Variants in ADAMTSL3 observed in about 807,000 individuals in gnomAD.
The protein encoded by ADAMTSL3 is ADAMTS like 3.
In ADAMTSL3, 128 loss-of-function variants were observed where a neutral mutation model predicts 201.7. The observed-to-expected ratio is 0.63, with a 90% CI of 0.55 to 0.73. The LOEUF (loss-of-function observed/expected upper bound fraction) is 0.73, where lower values mean the gene tolerates loss of function less well. ADAMTSL3 is among the 30% of genes least tolerant of loss of function. ADAMTSL3 has a pLI of 0.00. For missense variants in ADAMTSL3, 1,990 were observed against 2,119.6 expected (o/e 0.94, Z 1.20); for synonymous variants, 738 against 748.4 (o/e 0.99, Z 0.23).
intron 20 of ADAMTSL3, among the ~76,000 whole-genome samples, chr15:83,979,347 A>G (rs927379152): frequency 7.2e-5 from 11 of 152,226 alleles, no homozygotes; most frequent in African/African-American, 2.4e-4. Context: ...ATTGTCCACC[A>G]CTGAAAGGCC....
chr15:83,659,578 C>T (rs1299582090), intron 2 of ADAMTSL3, among the ~76,000 whole-genome samples: 1 of 152,150 alleles, frequency 6.6e-6, no homozygotes, highest in Non-Finnish European at 1.5e-5. Flanking sequence ...CCCAGGCTGA[C>T]AGTGTGGATG....
rs1157198460 is a variant in ADAMTSL3, at chr15:83,906,622, C to CCACACA, written c.1701-6419_1701-6414dup. On this transcript the variant is annotated intron_variant, in intron 15 of 29. Transcript: ENST00000286744. ...CTATATATTTATATAGTGCCACACACCACACACACACACACACACACACAC... is the reference window on the plus strand; with the variant it reads ...CTATATATTTATATAGTGCCACACACCACACACACACACACACACACACACACACAC... Among the ~76,000 whole-genome samples the CCACACA allele has an allele frequency of 9.2e-4, 73 of 79,018 alleles. No homozygotes were observed. The South Asian group carries it at 9.4e-3, about 10-fold the overall frequency. The allele number at this position is 79,018 out of a possible 152,430, so 51.8% of individuals were successfully genotyped here. A position where few individuals can be genotyped will look rare whatever the true frequency, so the allele number is the denominator to read the frequency against.
At chr15:84,023,658 G>A (rs188055866) in intron 26 of ADAMTSL3, among the ~76,000 whole-genome samples, 9 of 152,240 alleles carry the variant, frequency 5.9e-5, no homozygotes, top group East Asian at 3.9e-4. Context: ...TTCAAAACGC[G>A]GAGAGAATCC....
At chr15:83,869,898 C>T (rs933743757) in intron 8 of ADAMTSL3, among the ~76,000 whole-genome samples, 2 of 152,054 alleles carry the variant, frequency 1.3e-5, no homozygotes, top group African/African-American at 4.8e-5. Context: ...AATACGGGGC[C>T]AGAAACGCAG....
chr15:83,658,830 T>C (rs941323782), intron 2 of ADAMTSL3, among the ~76,000 whole-genome samples: 1 of 152,264 alleles, frequency 6.6e-6, no homozygotes, highest in East Asian at 1.9e-4. Flanking sequence ...AGATGAGTCC[T>C]GTGTTGACTG....
chr15:83,910,307 A>G (rs1321649122), intron 15 of ADAMTSL3, among the ~76,000 whole-genome samples: 1 of 151,742 alleles, frequency 6.6e-6, no homozygotes, highest in Non-Finnish European at 1.5e-5. Context: ...GGCTCTTTCA[A>G]TGTATTCCTT....
intron 17 of ADAMTSL3, among the ~76,000 whole-genome samples, chr15:83,931,196 G>C (rs1045468116): frequency 6.6e-6 from 1 of 152,180 alleles, no homozygotes; most frequent in African/African-American, 2.4e-5. Context: ...TTCTCTAACA[G>C]GATTCAACAC....
chr15:83,759,448 A>C (rs2062774304), intron 3 of ADAMTSL3, among the ~76,000 whole-genome samples: 1 of 152,050 alleles, frequency 6.6e-6, no homozygotes. Flanking sequence ...GATGGTCTTG[A>C]TCTCCTGACC....
intron 26 of ADAMTSL3, among the ~76,000 whole-genome samples, chr15:84,023,661 G>T (rs1005344661): frequency 8.5e-5 from 13 of 152,170 alleles, no homozygotes; most frequent in Admixed American, 8.5e-4. Flanking sequence ...AAAACGCGGA[G>T]AGAATCCACA....
chr15:83,658,087 A>C (rs2061115588), intron 2 of ADAMTSL3, among the ~76,000 whole-genome samples: 1 of 152,188 alleles, frequency 6.6e-6, no homozygotes, highest in African/African-American at 2.4e-5. Flanking sequence ...TGTGCCAACT[A>C]ATTAATAACA....
At chr15:83,717,274 T>A (rs191956130) in intron 3 of ADAMTSL3, among the ~76,000 whole-genome samples, 2 of 152,212 alleles carry the variant, frequency 1.3e-5, no homozygotes, top group African/African-American at 4.8e-5. Context: ...CCAAAGTAAT[T>A]CCTGCAATTT....
At chr15:83,693,109 AC>A (rs2061635438) in intron 2 of ADAMTSL3, among the ~76,000 whole-genome samples, 2 of 152,134 alleles carry the variant, frequency 1.3e-5, no homozygotes, top group Admixed American at 1.3e-4. Context: ...CTGAATTAAC[AC>A]AAATGCATGC....
At chr15:83,957,621 T>C (rs1434667591) in intron 19 of ADAMTSL3, among the ~76,000 whole-genome samples, 1 of 152,140 alleles carries the variant, frequency 6.6e-6, no homozygotes, top group East Asian at 1.9e-4. Flanking sequence ...TGTTTTGTAT[T>C]TTTGTCCTGG....
At chr15:83,669,506 C>T (rs1251923787) in intron 2 of ADAMTSL3, among the ~76,000 whole-genome samples, 3 of 100,102 alleles carry the variant, frequency 3.0e-5, no homozygotes, top group Non-Finnish European at 5.5e-5. Context: ...CTTGCTCTGT[C>T]TCCCAGGCTG....
At chr15:83,709,876 C>T (rs191813411) in intron 3 of ADAMTSL3, among the ~76,000 whole-genome samples, 2 of 152,184 alleles carry the variant, frequency 1.3e-5, no homozygotes, top group Middle Eastern at 3.4e-3. Context: ...TGGCAGCCAT[C>T]GTAGGATAAA....
At chr15:83,819,419 G>C (rs2063821705) in intron 5 of ADAMTSL3, among the ~76,000 whole-genome samples, 1 of 152,070 alleles carries the variant, frequency 6.6e-6, no homozygotes. Flanking sequence ...GAATCACCTG[G>C]AAAAATTGAA....
At chr15:83,824,533 A>G (rs1478678436) in intron 6 of ADAMTSL3, among the ~76,000 whole-genome samples, 3 of 152,200 alleles carry the variant, frequency 2.0e-5, no homozygotes, top group Non-Finnish European at 2.9e-5. Context: ...TTGGTGTTGT[A>G]AATTCTATGA....
chr15:83,842,514 C>T (rs994935703), intron 7 of ADAMTSL3, among the ~76,000 whole-genome samples: 1 of 152,124 alleles, frequency 6.6e-6, no homozygotes, highest in Non-Finnish European at 1.5e-5. Flanking sequence ...AGCCACTCCT[C>T]CTGTTGCATG....
chr15:83,950,998 C>CT (rs1027614286), intron 19 of ADAMTSL3, among the ~76,000 whole-genome samples: 1 of 145,060 alleles, frequency 6.9e-6, no homozygotes, highest in African/African-American at 2.5e-5. Context: ...TATTTCTTTT[C>CT]TTTTCTTTTT....
Sources: gnomAD v4.1 joint callset for allele counts (sites outside exome capture counted in the v4.1 genomes callset) on GRCh38, gnomAD v4.1.1 for gene constraint, MANE v1.5 for transcripts, NCBI Gene and HGNC (gene_info 2026-07-23, HGNC 2026-07-21) for gene names.